BBS2: variants seen among roughly 807,000 people sequenced by gnomAD.
The protein encoded by BBS2 is BBSome complex member BBS2.
BBS2 carries 62 observed loss-of-function variants against 83.0 expected under a neutral mutation model. That is an observed-to-expected ratio of 0.75 (90% CI 0.61 to 0.92). BBS2 has a LOEUF of 0.92. BBS2 is among the 40% of genes least tolerant of loss of function. BBS2 has a pLI of 0.00. For synonymous variants in BBS2, 303 were observed against 326.1 expected, an observed-to-expected ratio of 0.93 and a Z score of 0.76; for missense variants, 784 against 901.0, an observed-to-expected ratio of 0.87 and a Z score of 1.66.
At chr16:56,485,009 A>C in intron 16 of BBS2, 142 bp from the exon 17 acceptor site, 1 of 712,280 alleles carries the variant, frequency 1.4e-6, no homozygotes, top group Non-Finnish European at 2.4e-6. Flanking sequence ...CCCTAAAAAA[A>C]ATAACTTGGT....
At chr16:56,517,463 G>A (rs1964783366) in intron 1 of BBS2, among the ~76,000 whole-genome samples, 2 of 152,220 alleles carry the variant, frequency 1.3e-5, no homozygotes, top group Admixed American at 1.3e-4. Flanking sequence ...AATCTGCAGA[G>A]CTTGTTTCCT....
chr16:56,481,867 T>C (rs1179606780), downstream of BBS2, among the ~76,000 whole-genome samples: 2 of 152,196 alleles, frequency 1.3e-5, no homozygotes, highest in Non-Finnish European at 2.9e-5. Flanking sequence ...CGTGACTACT[T>C]GTTTCCAACA....
chr16:56,504,127 A>G (rs1964359243), intron 7 of BBS2, among the ~76,000 whole-genome samples: 1 of 152,206 alleles, frequency 6.6e-6, no homozygotes, highest in Admixed American at 6.5e-5. Context: ...TCTACAGTAT[A>G]TCACTGTCAA....
At chr16:56,487,951 T>A (rs1425754906) in intron 15 of BBS2, among the ~76,000 whole-genome samples, 2 of 152,170 alleles carry the variant, frequency 1.3e-5, no homozygotes, top group Non-Finnish European at 2.9e-5. Context: ...GTTTAACGGG[T>A]ACAGAGTTTC....
downstream of BBS2, among the ~76,000 whole-genome samples, chr16:56,483,791 C>T (rs1308375529): frequency 1.3e-5 from 2 of 151,810 alleles, no homozygotes; most frequent in African/African-American, 4.8e-5. Context: ...CCTCCACCTC[C>T]TGGGTTCAAG....
rs764573862 is a variant in BBS2 at position 56,506,134 on chromosome 16, A to G, written c.703T>C (p.Tyr235His). The G allele has an allele frequency of 1.2e-6, 2 of 1,613,702 alleles. No homozygotes were observed. Among genetic ancestry groups the G allele is most frequent in the East Asian group, 2.2e-5 (1 of 44,882 alleles). The change falls in exon 6 of 17, where the codon TAC (tyrosine) becomes CAC (histidine). Residue 235 changes from tyrosine (Y) to histidine (H), a missense_variant. By Grantham distance (83) the Tyr-to-His change is moderately conservative (BLOSUM62 2). Transcript: ENST00000245157. ...TVGVYDKTSR[Y>H]WRIKSKNHAM... is the part of the protein sequence containing the mutation. ...ATTATACTAACTTTAATTCTCCAGT[A>G]TCGGGATGTTTTGTCATAAACTCCA...
intron 15 of BBS2, among the ~76,000 whole-genome samples, chr16:56,489,087 TA>T (rs544906624): frequency 7.8e-4 from 111 of 142,962 alleles, no homozygotes; most frequent in Middle Eastern, 3.6e-3. Flanking sequence ...AGCCAAACAT[TA>T]AAAAAAAAAA....
At chr16:56,510,817 T>C (rs1964555011) in intron 4 of BBS2, 42 bp downstream of exon 4, 1 of 1,605,604 alleles carries the variant, frequency 6.2e-7, no homozygotes, top group Non-Finnish European at 8.5e-7. Context: ...GCAAAATTCA[T>C]TTGGCTGAAC....
intron 15 of BBS2, among the ~76,000 whole-genome samples, chr16:56,492,425 T>C (rs893886477): frequency 4.6e-5 from 7 of 152,312 alleles, no homozygotes; most frequent in South Asian, 2.1e-4. Flanking sequence ...AGGACAAATA[T>C]TATATATTTG....
At position 56,519,898 on chromosome 16, in the gene BBS2, G is replaced by A. The variant is rs1318469597; in HGVS notation, c.-36C>T. The stretch of plus-strand genomic sequence containing the variant: ...GCTTAGGGGAGGAGGGCTGGAAGCT[G>A]GAGACAAGCGCAGCGGAGCTGGCCT... On this transcript the variant is annotated 5_prime_UTR_variant, in exon 1 of 17. Coordinates refer to ENST00000245157, the MANE Select transcript of BBS2 (RefSeq NM_031885.5). 4.5e-6 allele frequency: 7 copies of A among 1,560,188 alleles called. No homozygotes were observed. Among genetic ancestry groups the A allele is most frequent in the Non-Finnish European group, 6.2e-6 (7 of 1,131,562 alleles).
At chr16:56,470,757 A>G in intron 17 of BBS2, 3 of 1,610,462 alleles carry the variant, frequency 1.9e-6, no homozygotes, top group African/African-American at 1.3e-5. Flanking sequence ...ATGAGCAGAC[A>G]GACCCAGAGC....
chr16:56,477,192 G>A (rs1237905814), intron 17 of BBS2: 1 of 152,068 alleles, frequency 6.6e-6, no homozygotes, highest in African/African-American at 2.4e-5. Context: ...CATAATTTCT[G>A]GTTTAGAAAA....
chr16:56,475,001 C>A (rs750474285), intron 17 of BBS2: 2 of 1,595,548 alleles, frequency 1.3e-6, no homozygotes, highest in South Asian at 1.1e-5. Context: ...GAGGGGCAGT[C>A]TCTTCTGAGG....
chr16:56,488,502 C>T (rs963322522), intron 15 of BBS2, among the ~76,000 whole-genome samples: 1 of 152,160 alleles, frequency 6.6e-6, no homozygotes, highest in African/African-American at 2.4e-5. Flanking sequence ...ACAAAGGATA[C>T]AGATGAAGAG....
intron 15 of BBS2, among the ~76,000 whole-genome samples, chr16:56,495,144 G>A (rs1964082069): frequency 1.3e-5 from 2 of 152,076 alleles, no homozygotes; most frequent in South Asian, 4.1e-4. Context: ...TGTACAAACT[G>A]TACCTCAGGG....
At chr16:56,493,150 G>A (rs537249188) in intron 15 of BBS2, among the ~76,000 whole-genome samples, 6 of 152,070 alleles carry the variant, frequency 3.9e-5, no homozygotes, top group Non-Finnish European at 1.5e-5. Context: ...ACTTTGGGAA[G>A]CCAAGGTGGG....
intron 17 of BBS2, among the ~76,000 whole-genome samples, chr16:56,473,911 A>G (rs1963326547): frequency 6.6e-6 from 1 of 151,878 alleles, no homozygotes; most frequent in Non-Finnish European, 1.5e-5. Flanking sequence ...GGTTCAAGCG[A>G]TTCTCATGCC....
intron 2 of BBS2, among the ~76,000 whole-genome samples, chr16:56,511,808 C>T (rs575888310): frequency 5.9e-5 from 9 of 152,106 alleles, no homozygotes; most frequent in African/African-American, 1.9e-4. Flanking sequence ...TTGAAATAGG[C>T]AAAGGGCAGA....
At chr16:56,470,976 T>A (rs1333327961) in intron 17 of BBS2, among the ~76,000 whole-genome samples, 1 of 152,094 alleles carries the variant, frequency 6.6e-6, no homozygotes, top group Non-Finnish European at 1.5e-5. Flanking sequence ...AGACAGAGAT[T>A]AAATGTATAC....
Sources: allele counts gnomAD v4.1 joint callset (sites outside exome capture counted in the v4.1 genomes callset), GRCh38; gene constraint gnomAD v4.1.1; transcripts MANE v1.5; gene names NCBI Gene and HGNC (gene_info 2026-07-23, HGNC 2026-07-21).